The following SLCO3A1 variants were observed in gnomAD, a reference collection of about 807,000 sequenced individuals.
The protein encoded by SLCO3A1 is solute carrier organic anion transporter family member 3A1, also known as PGE1 transporter.
SLCO3A1 carries 27 observed loss-of-function variants against 63.1 expected under a neutral mutation model. The ratio of observed to expected loss-of-function variants is 0.43; its 90% CI spans 0.32 to 0.59. SLCO3A1 has a LOEUF of 0.59. Among genes scored for constraint, SLCO3A1 ranks in the 20% least tolerant of loss-of-function variants. The probability of loss-of-function intolerance (pLI) is 0.09; values close to 1 mark genes in which losing one functional copy is unlikely to be tolerated. For missense variants in SLCO3A1, 773 were observed against 945.8 expected (o/e 0.82, Z 2.40); for synonymous variants, 473 against 409.9 (o/e 1.15, Z -1.86).
rs534372621 is a variant in SLCO3A1, at chr15:91,865,780, C to T, written c.180+11692C>T. On this transcript the variant is annotated intron_variant, in intron 1 of 9. Transcript: ENST00000318445. The surrounding 1 kb of genome is among the most constrained non-coding windows in gnomAD (Gnocchi z 4.6). ...GACTAGCTTACATCTGCTAAGTCCT[C>T]GTTTCCAAATTAGGTCACATTCACA... 3.7e-4 allele frequency among the ~76,000 whole-genome samples: 57 copies of T among 152,346 alleles called. No individual in the cohort carries two copies. The highest frequency in any genetic ancestry group is 1.3e-3 in the African/African-American group (52 of 41,582).
chr15:92,013,431 A>T (rs1597219747), intron 2 of SLCO3A1, among the ~76,000 whole-genome samples: 1 of 151,986 alleles, frequency 6.6e-6, no homozygotes, highest in Non-Finnish European at 1.5e-5. Context: ...TCTGACCTCA[A>T]CCCTACCAGC....
chr15:91,881,248 G>C (rs1447114146), intron 1 of SLCO3A1, among the ~76,000 whole-genome samples: 1 of 151,720 alleles, frequency 6.6e-6, no homozygotes, highest in African/African-American at 2.4e-5. Flanking sequence ...TTTTTTCCTT[G>C]GTCTTACTGA....
At chr15:92,101,775 C>G (rs1373716250) in intron 3 of SLCO3A1, among the ~76,000 whole-genome samples, 1 of 152,180 alleles carries the variant, frequency 6.6e-6, no homozygotes, top group Non-Finnish European at 1.5e-5. Flanking sequence ...ATCCTGCTGT[C>G]CACCACCTTC....
chr15:92,061,420 C>A (rs1182121934), intron 2 of SLCO3A1, among the ~76,000 whole-genome samples: 1 of 152,214 alleles, frequency 6.6e-6, no homozygotes, highest in South Asian at 2.1e-4. Flanking sequence ...GAGATCTTCT[C>A]TCCACTCCCC....
At chr15:92,124,554 G>T (rs375078606) in intron 5 of SLCO3A1, among the ~76,000 whole-genome samples, 1 of 152,146 alleles carries the variant, frequency 6.6e-6, no homozygotes, top group Admixed American at 6.5e-5. Flanking sequence ...TGCCCACTCC[G>T]TGCTGGGTAC....
At chr15:91,920,198 G>A (rs1898797180) in intron 2 of SLCO3A1, among the ~76,000 whole-genome samples, 1 of 152,194 alleles carries the variant, frequency 6.6e-6, no homozygotes, top group African/African-American at 2.4e-5. Flanking sequence ...TACCTGGATA[G>A]GGCTGGGCTG....
intron 1 of SLCO3A1, among the ~76,000 whole-genome samples, chr15:91,913,412 C>T (rs1362804180): frequency 6.6e-6 from 1 of 152,206 alleles, no homozygotes; most frequent in Admixed American, 6.5e-5. Context: ...TCCTAGGGCC[C>T]CCAGGCCACT....
At chr15:91,926,588 T>A (rs1018335650) in intron 2 of SLCO3A1, among the ~76,000 whole-genome samples, 6 of 106,386 alleles carry the variant, frequency 5.6e-5, no homozygotes, top group South Asian at 3.0e-4. Flanking sequence ...TGTGTGTGTG[T>A]GTGTGTGTGC....
chr15:91,881,232 A>T (rs989552518), intron 1 of SLCO3A1, among the ~76,000 whole-genome samples: 4 of 152,220 alleles, frequency 2.6e-5, no homozygotes, highest in Middle Eastern at 3.4e-3. Flanking sequence ...CAGGAAGCAG[A>T]GGGAATTTTT....
At chr15:91,944,928 A>T (rs1408505271) in intron 2 of SLCO3A1, among the ~76,000 whole-genome samples, 1 of 152,160 alleles carries the variant, frequency 6.6e-6, no homozygotes, top group African/African-American at 2.4e-5. Context: ...CCCAAATTTC[A>T]ACTTTTCTCC....
Position 91,962,199 on chromosome 15 carries a change from G to T in SLCO3A1, c.646+45741G>T, listed in dbSNP as rs538746388. 1.3e-4 allele frequency among the ~76,000 whole-genome samples: 20 copies of T among 152,292 alleles called. No homozygotes were observed. The East Asian group carries it at 3.9e-3, about 29-fold the overall frequency. On this transcript the variant is annotated intron_variant, in intron 2 of 9. Transcript: ENST00000318445. Reference sequence around the variant, plus strand: ...TGGACATTTTAAGAATTACAGAGCGGCCGTGCACAGTGGCTCACACCTGTA... The same window carrying T: ...TGGACATTTTAAGAATTACAGAGCGTCCGTGCACAGTGGCTCACACCTGTA...
At chr15:92,115,510 T>C (rs944648856) in intron 4 of SLCO3A1, among the ~76,000 whole-genome samples, 1 of 152,174 alleles carries the variant, frequency 6.6e-6, no homozygotes, top group Non-Finnish European at 1.5e-5. Context: ...TTATTCTTAC[T>C]GAGCTCACAC....
At chr15:92,150,078 G>C (rs1405146410) in intron 8 of SLCO3A1, among the ~76,000 whole-genome samples, 1 of 152,160 alleles carries the variant, frequency 6.6e-6, no homozygotes, top group Non-Finnish European at 1.5e-5. Context: ...ATCGCTCAAT[G>C]AAAGTCATGA....
intron 2 of SLCO3A1, among the ~76,000 whole-genome samples, chr15:91,943,475 C>T (rs764774042): frequency 2.8e-4 from 43 of 152,142 alleles, no homozygotes; most frequent in Non-Finnish European, 4.6e-4. Flanking sequence ...TTTTGTTTAT[C>T]CATTCATCTG....
At chr15:91,995,132 G>C (rs542622539) in intron 2 of SLCO3A1, among the ~76,000 whole-genome samples, 10 of 152,324 alleles carry the variant, frequency 6.6e-5, no homozygotes, top group African/African-American at 2.4e-4. Context: ...ACGAAGTGGA[G>C]CGGCTCTGCT....
At chr15:91,855,771 CAT>C (rs1896902257) in intron 1 of SLCO3A1, among the ~76,000 whole-genome samples, 1 of 152,102 alleles carries the variant, frequency 6.6e-6, no homozygotes, top group South Asian at 2.1e-4. Context: ...TGTACTGTGA[CAT>C]ATGCAAAGTA....
chr15:91,980,609 A>G (rs181622797), intron 2 of SLCO3A1, among the ~76,000 whole-genome samples: 1 of 152,182 alleles, frequency 6.6e-6, no homozygotes, highest in African/African-American at 2.4e-5. Context: ...TCCAGGGATC[A>G]TTCCATAAGA....
chr15:92,029,838 C>T (rs564348384), intron 2 of SLCO3A1, among the ~76,000 whole-genome samples: 11 of 112,072 alleles, frequency 9.8e-5, no homozygotes, highest in East Asian at 3.0e-4. Context: ...AGAACTCTTC[C>T]GTCTCACGTT....
chr15:91,929,764 A>G (rs1041678249), intron 2 of SLCO3A1, among the ~76,000 whole-genome samples: 1 of 152,094 alleles, frequency 6.6e-6, no homozygotes, highest in Non-Finnish European at 1.5e-5. Flanking sequence ...TGACTACTCT[A>G]AGTGCCTCAG....
Sources: gnomAD v4.1 joint callset for allele counts (sites outside exome capture counted in the v4.1 genomes callset) on GRCh38, gnomAD v4.1.1 for gene constraint, Gnocchi (gnomAD v3.1) non-coding constraint, MANE v1.5 for transcripts, NCBI Gene and HGNC (gene_info 2026-07-23, HGNC 2026-07-21) for gene names.